The following RAPGEF6 variants were observed in gnomAD, a reference collection of about 807,000 sequenced individuals.
RAPGEF6 encodes Rap guanine nucleotide exchange factor 6, also known as PDZ domain containing guanine nucleotide exchange factor (GEF) 2.
A neutral mutation model predicts 171.4 loss-of-function variants in RAPGEF6; 56 were observed. That is an observed-to-expected ratio of 0.33 (90% CI 0.26 to 0.41). The LOEUF (loss-of-function observed/expected upper bound fraction) is 0.41, where lower values mean the gene tolerates loss of function less well. Ranked by LOEUF, RAPGEF6 falls within the 10% of genes least tolerant of loss-of-function variation. The pLI is 1.00. For synonymous variants in RAPGEF6, 692 were observed against 650.1 expected (o/e 1.06, Z -0.98); for missense variants, 1,674 against 1,921.4 (o/e 0.87, Z 2.41).
At chr5:131,464,365 T>TC (rs1754171795) in intron 17 of RAPGEF6, 84 bp from the exon 18 acceptor site, 1 of 1,023,948 alleles carries the variant, frequency 9.8e-7, no homozygotes, top group Non-Finnish European at 1.5e-6. Flanking sequence ...AACACAGTGA[T>TC]CCCTCTGAAC....
At chr5:131,486,866 G>C (rs1304900026) in intron 15 of RAPGEF6, among the ~76,000 whole-genome samples, 3 of 151,514 alleles carry the variant, frequency 2.0e-5, no homozygotes, top group Admixed American at 6.6e-5. Flanking sequence ...TCCTAGAAAT[G>C]TTTTTCTTCT....
At chr5:131,495,431 G>A (rs1437096443) in intron 13 of RAPGEF6, 122 bp downstream of exon 13, 6 of 647,054 alleles carry the variant, frequency 9.3e-6, no homozygotes, top group South Asian at 5.4e-5. Context: ...ATACAGATTC[G>A]GAAGTTCTAA....
At chr5:131,452,786 A>G (rs1241721294) in intron 21 of RAPGEF6, among the ~76,000 whole-genome samples, 2 of 152,160 alleles carry the variant, frequency 1.3e-5, no homozygotes, top group East Asian at 3.9e-4. Flanking sequence ...TTAAAGAACA[A>G]TAATACAGAA....
intron 7 of RAPGEF6, among the ~76,000 whole-genome samples, chr5:131,511,617 G>A (rs1757735593): frequency 6.6e-6 from 1 of 150,482 alleles, no homozygotes; most frequent in South Asian, 2.1e-4. Flanking sequence ...TCTCCTGAAC[G>A]CCCTGAATAC....
chr5:131,514,521 A>G (rs1757948123), intron 7 of RAPGEF6, among the ~76,000 whole-genome samples: 1 of 152,230 alleles, frequency 6.6e-6, no homozygotes, highest in Non-Finnish European at 1.5e-5. Flanking sequence ...ACAAACCACT[A>G]TAAAGAGACT....
chr5:131,431,559 T>A (rs1334986736), intron 25 of RAPGEF6, among the ~76,000 whole-genome samples: 4 of 152,136 alleles, frequency 2.6e-5, no homozygotes, highest in Non-Finnish European at 5.9e-5. Flanking sequence ...GTAAAGAAAC[T>A]CTAATGCTTA....
At chr5:131,553,502 C>A (rs1379897646) in intron 5 of RAPGEF6, among the ~76,000 whole-genome samples, 2 of 152,018 alleles carry the variant, frequency 1.3e-5, no homozygotes, top group East Asian at 3.9e-4. Context: ...GCTGGAACTA[C>A]CAGAGAGAGA....
At chr5:131,463,848 CAG>C (rs1754125968) in intron 18 of RAPGEF6, 191 bp downstream of exon 18, 1 of 1,244,870 alleles carries the variant, frequency 8.0e-7, no homozygotes, top group African/African-American at 1.5e-5. Flanking sequence ...TATAAAAAAA[CAG>C]GAACTAGATT....
intron 5 of RAPGEF6, among the ~76,000 whole-genome samples, chr5:131,548,500 T>C (rs1212336998): frequency 6.6e-6 from 1 of 152,222 alleles, no homozygotes; most frequent in Non-Finnish European, 1.5e-5. Context: ...TAATTACAAC[T>C]TGAGTTCCTC....
intron 3 of RAPGEF6, among the ~76,000 whole-genome samples, chr5:131,602,865 C>T (rs1032580088): frequency 3.9e-5 from 6 of 152,120 alleles, no homozygotes; most frequent in Non-Finnish European, 8.8e-5. Flanking sequence ...ATATATTGTA[C>T]AGCAGTGAAA....
chr5:131,617,305 CACA>C (rs1015525390), intron 1 of RAPGEF6, among the ~76,000 whole-genome samples: 58 of 90,636 alleles, frequency 6.4e-4, no homozygotes, highest in African/African-American at 1.7e-3. Flanking sequence ...CACACACACA[CACA>C]AAAAAAAACC....
At chr5:131,445,161 T>C (rs1430039918) in intron 22 of RAPGEF6, among the ~76,000 whole-genome samples, 2 of 152,226 alleles carry the variant, frequency 1.3e-5, no homozygotes, top group Admixed American at 1.3e-4. Context: ...ATTCTGCCTC[T>C]ATCCTTTCGT....
Position 131,520,200 on chromosome 5 carries a change from A to C in RAPGEF6, c.627+1190T>G, listed in dbSNP as rs570360886. ...CTGGGTAACTTTGTAGAACCAGTCT[A>C]AAATGCTTTCCTCAGACAATGATAC... On this transcript the variant is annotated intron_variant, in intron 7 of 27. Coordinates refer to ENST00000509018, the MANE Select transcript of RAPGEF6 (RefSeq NM_016340.6). Among the ~76,000 whole-genome samples the C allele has an allele frequency of 3.3e-5, 5 of 152,326 alleles. No individual in the cohort carries two copies. The East Asian group carries it at 9.6e-4, about 29-fold the overall frequency.
At chr5:131,476,344 G>C (rs1755088728) in intron 16 of RAPGEF6, among the ~76,000 whole-genome samples, 1 of 152,200 alleles carries the variant, frequency 6.6e-6, no homozygotes, top group Non-Finnish European at 1.5e-5. Context: ...CCAGCACTCT[G>C]TGAGGCTGAG....
chr5:131,455,697 G>GT, intron 20 of RAPGEF6, 104 bp downstream of exon 20: 2 of 957,080 alleles, frequency 2.1e-6, no homozygotes, highest in Non-Finnish European at 3.2e-6. Flanking sequence ...ATAGTGTATA[G>GT]TTACCAAATT....
intron 21 of RAPGEF6, among the ~76,000 whole-genome samples, chr5:131,451,688 G>C (rs1424604593): frequency 6.6e-6 from 1 of 152,102 alleles, no homozygotes; most frequent in Non-Finnish European, 1.5e-5. Flanking sequence ...TCCAACTCTG[G>C]CTTTTAAAAT....
At chr5:131,526,074 C>T (rs1758854224) in intron 6 of RAPGEF6, among the ~76,000 whole-genome samples, 1 of 152,156 alleles carries the variant, frequency 6.6e-6, no homozygotes, top group African/African-American at 2.4e-5. Flanking sequence ...TACTTTGTGC[C>T]AGGAACTCTG....
chr5:131,456,770 T>A (rs1206486706), intron 19 of RAPGEF6, among the ~76,000 whole-genome samples: 1 of 152,226 alleles, frequency 6.6e-6, no homozygotes, highest in Non-Finnish European at 1.5e-5. Context: ...GTTCTCCTGA[T>A]TTCTGACTTT....
At chr5:131,502,563 G>T (rs1258488747) in intron 11 of RAPGEF6, among the ~76,000 whole-genome samples, 4 of 152,190 alleles carry the variant, frequency 2.6e-5, no homozygotes, top group Non-Finnish European at 5.9e-5. Context: ...AATCTATCTG[G>T]TCATGAGGAA....
Sources: allele counts gnomAD v4.1 joint callset (sites outside exome capture counted in the v4.1 genomes callset), GRCh38; gene constraint gnomAD v4.1.1; transcripts MANE v1.5; gene names NCBI Gene and HGNC (gene_info 2026-07-23, HGNC 2026-07-21).